Variants in GPHN observed in about 807,000 individuals in gnomAD.
GPHN encodes the protein gephyrin.
A neutral mutation model predicts 95.5 loss-of-function variants in GPHN; 17 were observed. The observed-to-expected ratio is 0.18, with a 90% CI of 0.12 to 0.27. The LOEUF is 0.27. GPHN is among the 10% of genes least tolerant of loss of function. GPHN has a pLI of 1.00. For synonymous variants in GPHN, 320 were observed against 322.5 expected, an observed-to-expected ratio of 0.99 and a Z score of 0.08; for missense variants, 660 against 978.1, an observed-to-expected ratio of 0.67 and a Z score of 4.34.
the GPHN span, chr14:67,592,502 C>T: frequency 1.7e-6 from 1 of 602,650 alleles, no homozygotes. Context: ...AGGAACTTCT[C>T]AAATAACTGA....
chr14:66,948,445 C>G lies in GPHN; in HGVS notation c.829-16746C>G, dbSNP rs1202633216. On this transcript the variant is annotated intron_variant, in intron 8 of 22. Transcript: ENST00000478722. ...AGATTTTTGTATTATGAATTTTTAT[C>G]TAAATTTAGGTATTCACATTTTTTG... Among the ~76,000 whole-genome samples the G allele has an allele frequency of 3.3e-5, 5 of 152,096 alleles. No individual in the cohort carries two copies. The South Asian group carries it at 1.0e-3, about 31-fold the overall frequency.
At chr14:66,991,881 A>G (rs1206393252) in intron 9 of GPHN, among the ~76,000 whole-genome samples, 1 of 151,418 alleles carries the variant, frequency 6.6e-6, no homozygotes, top group Non-Finnish European at 1.5e-5. Flanking sequence ...AAAAAAAAAA[A>G]AAAAAAGAAA....
Position 66,824,506 on chromosome 14 carries a change from A to G in GPHN, c.234A>G (p.Glu78=), listed in dbSNP as rs1596031218. ...TGATAGATTGGTGTGATGAAAAGGAACTTAATTTGATATTAACAACTGGAG... is the reference window on the plus strand; with the variant it reads ...TGATAGATTGGTGTGATGAAAAGGAGCTTAATTTGATATTAACAACTGGAG... ...ETLIDWCDEK[E]LNLILTTGGT... is the part of the protein sequence containing the mutation. The change falls in exon 4 of 23, where the codon GAA becomes GAG. Residue 78 remains glutamate (E), a synonymous_variant. Coordinates refer to ENST00000478722, the MANE Select transcript of GPHN (RefSeq NM_020806.5). The G allele has an allele frequency of 1.9e-6, 3 of 1,595,366 alleles. No individual in the cohort carries two copies. In the East Asian group the frequency reaches 6.7e-5, roughly 36 times the overall value.
chr14:66,807,850 C>A (rs1010720439), intron 3 of GPHN, among the ~76,000 whole-genome samples: 18 of 152,156 alleles, frequency 1.2e-4, no homozygotes, highest in African/African-American at 4.3e-4. Context: ...TTGTACATGT[C>A]TTTTAGTGCA....
the GPHN span, among the ~76,000 whole-genome samples, chr14:67,538,732 A>T: frequency 1.3e-5 from 2 of 152,122 alleles, no homozygotes; most frequent in African/African-American, 4.8e-5. Context: ...CAACCTCCTC[A>T]GCAACTTGCC....
chr14:67,692,376 T>A, the GPHN span: 6 of 1,564,792 alleles, frequency 3.8e-6, no homozygotes, highest in Non-Finnish European at 5.2e-6. Context: ...CTTTTCCTTT[T>A]AGTTGAATCT....
intron 13 of GPHN, among the ~76,000 whole-genome samples, chr14:67,109,687 T>G (rs2153684999): frequency 6.6e-6 from 1 of 152,332 alleles, no homozygotes. Flanking sequence ...ACCAAAAAGT[T>G]TAGTTAATAA....
intron 1 of GPHN, among the ~76,000 whole-genome samples, chr14:66,656,940 T>C (rs1185252457): frequency 2.0e-5 from 3 of 152,174 alleles, no homozygotes; most frequent in Non-Finnish European, 2.9e-5. Context: ...TCTCTCACTT[T>C]AAGTGAAAAG....
At chr14:66,619,467 T>C (rs1340555048) in intron 1 of GPHN, among the ~76,000 whole-genome samples, 1 of 149,608 alleles carries the variant, frequency 6.7e-6, no homozygotes, top group Non-Finnish European at 1.5e-5. Flanking sequence ...TGTTGACTAG[T>C]AATGTTGAAG....
chr14:67,280,853 T>TCCCTCCTTCCC, the GPHN span, among the ~76,000 whole-genome samples: 1 of 77,610 alleles, frequency 1.3e-5, no homozygotes, highest in South Asian at 5.4e-4. Flanking sequence ...CCTTCCTTCC[T>TCCCTCCTTCCC]TCCCTCCCTC....
the GPHN span, chr14:67,222,002 A>G: frequency 3.0e-5 from 19 of 626,392 alleles, no homozygotes; most frequent in Middle Eastern, 3.3e-4. Context: ...TCCTCAGGCT[A>G]TCTTTCAAGT....
chr14:67,011,306 C>T (rs2072986984), intron 9 of GPHN, among the ~76,000 whole-genome samples: 6 of 151,666 alleles, frequency 4.0e-5, no homozygotes, highest in Admixed American at 3.9e-4. Context: ...GGCACAGTGG[C>T]TTATGCGTGT....
chr14:67,010,215 AAAGAG>A (rs1385265999), intron 9 of GPHN, among the ~76,000 whole-genome samples: 3 of 152,106 alleles, frequency 2.0e-5, no homozygotes, highest in African/African-American at 4.8e-5. Flanking sequence ...GAACTGAAGA[AAAGAG>A]AAGAGAAAGT....
the GPHN span, among the ~76,000 whole-genome samples, chr14:67,244,320 T>C: frequency 6.6e-6 from 1 of 152,256 alleles, no homozygotes; most frequent in African/African-American, 2.4e-5. Context: ...CATTACTAGC[T>C]ACAGCCAAAT....
At chr14:67,443,389 G>T in the GPHN span, among the ~76,000 whole-genome samples, 4 of 152,064 alleles carry the variant, frequency 2.6e-5, no homozygotes, top group Admixed American at 2.6e-4. Flanking sequence ...AAGTATGTTT[G>T]CCCCACAACC....
At chr14:67,576,526 T>C in the GPHN span, 1 of 1,187,190 alleles carries the variant, frequency 8.4e-7, no homozygotes, top group South Asian at 1.2e-5. This position sits in a 1 kb window ranked among gnomAD's most constrained non-coding sequence, Gnocchi z 4.0. Flanking sequence ...TGGCCACCAC[T>C]GCTTGGGTTG....
chr14:66,534,586 A>G (rs984385905), intron 1 of GPHN, among the ~76,000 whole-genome samples: 14 of 152,146 alleles, frequency 9.2e-5, no homozygotes, highest in Non-Finnish European at 2.1e-4. Flanking sequence ...TTTTATGAAT[A>G]TATTGTTTCA....
At chr14:67,313,786 C>T in the GPHN span, among the ~76,000 whole-genome samples, 1 of 151,826 alleles carries the variant, frequency 6.6e-6, no homozygotes, top group Non-Finnish European at 1.5e-5. Context: ...ATATTTTTTT[C>T]TTCTGTGTCC....
chr14:67,386,081 A>G, the GPHN span: 2 of 152,474 alleles, frequency 1.3e-5, no homozygotes, highest in Non-Finnish European at 2.9e-5. Context: ...AGTGAGGTAC[A>G]CTGTTGCCAA....
Sources: gnomAD v4.1 joint callset for allele counts (sites outside exome capture counted in the v4.1 genomes callset) on GRCh38, gnomAD v4.1.1 for gene constraint, Gnocchi (gnomAD v3.1) non-coding constraint, MANE v1.5 for transcripts, NCBI Gene and HGNC (gene_info 2026-07-23, HGNC 2026-07-21) for gene names.